Variants in PIK3R1 observed in about 807,000 individuals in gnomAD.
PIK3R1 encodes the protein phosphatidylinositol 3-kinase regulatory subunit alpha.
Under a neutral mutation model 98.0 loss-of-function variants are expected in PIK3R1, and 29 were observed. The ratio of observed to expected loss-of-function variants is 0.30; its 90% CI spans 0.22 to 0.40. The LOEUF is 0.40. Ranked by LOEUF, PIK3R1 falls within the 10% of genes least tolerant of loss-of-function variation. The pLI, the probability that PIK3R1 is intolerant of heterozygous loss-of-function variation, is 1.00. For synonymous variants in PIK3R1, 282 were observed against 311.8 expected (o/e 0.90, Z 1.01); for missense variants, 596 against 872.7 (o/e 0.68, Z 3.99).
chr5:68,290,494 C>G (rs1203817423), intron 7 of PIK3R1: 3 of 403,450 alleles, frequency 7.4e-6, no homozygotes, highest in Non-Finnish European at 1.3e-5. Context: ...TATTGCAGTT[C>G]TATTAAATGT....
At chr5:68,252,735 A>C (rs1001096418) in intron 2 of PIK3R1, among the ~76,000 whole-genome samples, 6 of 152,214 alleles carry the variant, frequency 3.9e-5, no homozygotes, top group African/African-American at 1.4e-4. Flanking sequence ...GGGGGTGGGA[A>C]GGAGCTACTT....
At chr5:68,258,830 C>G (rs549067226) in intron 2 of PIK3R1, among the ~76,000 whole-genome samples, 7 of 152,322 alleles carry the variant, frequency 4.6e-5, no homozygotes, top group Admixed American at 3.9e-4. Flanking sequence ...AGTATTGCAG[C>G]AGGTTCTTAG....
intron 1 of PIK3R1, among the ~76,000 whole-genome samples, chr5:68,218,500 T>C (rs769086863): frequency 5.3e-5 from 8 of 152,210 alleles, no homozygotes; most frequent in Non-Finnish European, 1.0e-4. Context: ...CACATGATCA[T>C]TAAAATAGGA....
At chr5:68,257,317 AG>A (rs1475131689) in intron 2 of PIK3R1, among the ~76,000 whole-genome samples, 2 of 152,214 alleles carry the variant, frequency 1.3e-5, no homozygotes, top group Non-Finnish European at 2.9e-5. Context: ...ATAACCATGG[AG>A]GAGTAACCCA....
intron 1 of PIK3R1, among the ~76,000 whole-genome samples, chr5:68,216,398 C>T (rs913263588): frequency 5.9e-5 from 9 of 152,152 alleles, no homozygotes; most frequent in South Asian, 2.1e-4. Flanking sequence ...CGCTCCCTTC[C>T]CCCGTGGCCC....
At chr5:68,288,749 AAAGT>A (rs772605240) in intron 7 of PIK3R1, 2 of 1,613,738 alleles carry the variant, frequency 1.2e-6, no homozygotes, top group Non-Finnish European at 1.7e-6. Flanking sequence ...CATAACCTGC[AAAGT>A]AAGTTGCCTT....
Position 68,280,714 on chromosome 5 carries a change from G to C in PIK3R1, c.821G>C (p.Arg274Thr). 1 of 1,614,000 alleles carries C rather than the reference G, an allele frequency of 6.2e-7. No individual in the cohort carries two copies. Among genetic ancestry groups the C allele is most frequent in the Non-Finnish European group, 8.5e-7 (1 of 1,179,914 alleles). Residue 274 changes from arginine to threonine, a missense_variant, in exon 6 of 16, where the codon AGA becomes ACA. This residue lies in a region of PIK3R1 where 352 missense variants were observed against 393.3 expected (regional missense o/e 0.90). Coordinates refer to ENST00000521381, the MANE Select transcript of PIK3R1 (RefSeq NM_181523.3). The stretch of plus-strand genomic sequence containing the variant: ...GAAATTTTCAGCCCTATGCTTTTCA[G>C]ATTCTCAGCAGCCAGGTAAGTGAAA... ...LSEIFSPMLF[R>T]FSAASSDNTE...
At chr5:68,269,624 A>G (rs1746265694) in intron 2 of PIK3R1, among the ~76,000 whole-genome samples, 1 of 152,218 alleles carries the variant, frequency 6.6e-6, no homozygotes, top group African/African-American at 2.4e-5. Flanking sequence ...TCTAATGGAA[A>G]AGTAATTCTT....
chr5:68,280,713 A>G lies in PIK3R1; in HGVS notation c.820A>G (p.Arg274Gly), dbSNP rs55896055. The G allele has an allele frequency of 1.2e-5, 19 of 1,614,018 alleles. No homozygotes were observed. Among genetic ancestry groups the G allele is most frequent in the Admixed American group, 6.7e-5 (4 of 60,018 alleles). The change falls in exon 6 of 16, where the codon AGA (arginine) becomes GGA (glycine). Residue 274 changes from arginine (R) to glycine (G), a missense_variant. Physicochemically the swap from Arg to Gly is moderately radical, Grantham distance 125. Around this residue, in one of 3 missense-constraint regions of PIK3R1, gnomAD observed 352 missense variants for 393.3 expected, o/e 0.90. Coordinates refer to ENST00000521381, the MANE Select transcript of PIK3R1 (RefSeq NM_181523.3). ...LSEIFSPMLF[R>G]FSAASSDNTE... is the part of the protein sequence containing the mutation. ...TGAAATTTTCAGCCCTATGCTTTTC[A>G]GATTCTCAGCAGCCAGGTAAGTGAA... is the stretch of plus-strand genomic sequence containing the variant.
At chr5:68,264,376 C>T (rs188246533) in intron 2 of PIK3R1, among the ~76,000 whole-genome samples, 1 of 152,276 alleles carries the variant, frequency 6.6e-6, no homozygotes, top group African/African-American at 2.4e-5. Context: ...AAAAGGCAAC[C>T]TAGATTCACA....
rs2112295350 is a variant in PIK3R1 at position 68,297,635 on chromosome 5, A to G, written c.*34A>G. ...CTCTTTGATCCTTCTCCTGAAGTTCAGCCACCCTGAGGCCTCTGGAAAGCA... is the reference window on the plus strand; with the variant it reads ...CTCTTTGATCCTTCTCCTGAAGTTCGGCCACCCTGAGGCCTCTGGAAAGCA... On this transcript the variant is annotated 3_prime_UTR_variant, in exon 16 of 16. Coordinates refer to ENST00000521381, the MANE Select transcript of PIK3R1 (RefSeq NM_181523.3). The G allele has an allele frequency of 6.3e-7, 1 of 1,584,100 alleles. No individual in the cohort carries two copies. The highest frequency in any genetic ancestry group is 8.6e-7 in the Non-Finnish European group (1 of 1,156,112).
intron 2 of PIK3R1, among the ~76,000 whole-genome samples, chr5:68,253,619 C>T (rs1252014250): frequency 6.6e-6 from 1 of 152,040 alleles, no homozygotes; most frequent in East Asian, 1.9e-4. Flanking sequence ...GTTCAGAACC[C>T]TATTTTAAAT....
intron 2 of PIK3R1, among the ~76,000 whole-genome samples, chr5:68,255,914 G>T (rs1745497538): frequency 6.6e-6 from 1 of 152,216 alleles, no homozygotes; most frequent in South Asian, 2.1e-4. Context: ...ACAGAGCCAT[G>T]GGCCTTGCAG....
Position 68,270,836 on chromosome 5 carries a change from T to C in PIK3R1, c.335-2554T>C, listed in dbSNP as rs374764651. ...TTGTGAGAGAGGATACTTTTGTGAG[T>C]TGATATTAAGGCAAAGGGAAGTGGT... On this transcript the variant is annotated intron_variant, in intron 2 of 15. Coordinates refer to ENST00000521381, the MANE Select transcript of PIK3R1 (RefSeq NM_181523.3). 5.3e-5 allele frequency among the ~76,000 whole-genome samples: 8 copies of C among 152,302 alleles called. No homozygotes were observed. The East Asian group carries it at 1.5e-3, about 29-fold the overall frequency.
chr5:68,253,065 C>G (rs1333567550), intron 2 of PIK3R1, among the ~76,000 whole-genome samples: 1 of 152,176 alleles, frequency 6.6e-6, no homozygotes, highest in Non-Finnish European at 1.5e-5. Context: ...CCTAGCAATA[C>G]TAATTTTTAT....
intron 2 of PIK3R1, among the ~76,000 whole-genome samples, chr5:68,263,206 TATATATATTTCTAC>T (rs1230247044): frequency 1.5e-5 from 2 of 130,812 alleles, no homozygotes; most frequent in African/African-American, 6.1e-5. Flanking sequence ...TATATATCTA[TATATATATTTCTAC>T]ATATATATCT....
At position 68,226,384 on chromosome 5, in the gene PIK3R1, C is replaced by G. The variant is rs969092273; in HGVS notation, c.-292C>G. On this transcript the variant is annotated 5_prime_UTR_variant, in exon 2 of 16. Transcript: ENST00000521381. The stretch of plus-strand genomic sequence containing the variant: ...AAGGATTGGGCCTCGCTGTGAGAGT[C>G]AGCCTGGATTCAAAGTGTTGACAAG... 6.4e-6 allele frequency: 3 copies of G among 468,638 alleles called. No homozygotes were observed. Among genetic ancestry groups the G allele is most frequent in the Non-Finnish European group, 1.1e-5 (3 of 266,732 alleles). 29.0% of individuals were successfully genotyped at this position (468,638 alleles called of 1,614,324 possible). A position where few individuals can be genotyped will look rare whatever the true frequency, so the allele number is the denominator to read the frequency against.
chr5:68,259,565 C>T (rs1290389583), intron 2 of PIK3R1, among the ~76,000 whole-genome samples: 1 of 152,202 alleles, frequency 6.6e-6, no homozygotes, highest in Non-Finnish European at 1.5e-5. Flanking sequence ...GTTCTGTTCT[C>T]ATTTGGTAAA....
At chr5:68,227,811 C>T (rs980724215) in intron 2 of PIK3R1, among the ~76,000 whole-genome samples, 4 of 152,136 alleles carry the variant, frequency 2.6e-5, no homozygotes, top group Non-Finnish European at 4.4e-5. Flanking sequence ...TAGTCTGGTT[C>T]GCCTTCATGA....
Sources: gnomAD v4.1 joint callset for allele counts (sites outside exome capture counted in the v4.1 genomes callset) on GRCh38, gnomAD v4.1.1 for gene constraint, gnomAD v4.1.1 regional missense constraint, MANE v1.5 for transcripts, NCBI Gene and HGNC (gene_info 2026-07-23, HGNC 2026-07-21) for gene names.